The following LAMA3 variants were observed in gnomAD, a reference collection of about 807,000 sequenced individuals.
LAMA3 encodes the protein laminin subunit alpha 3.
In LAMA3, 281 loss-of-function variants were observed where a neutral mutation model predicts 402.0. The observed-to-expected ratio is 0.70, with a 90% CI of 0.63 to 0.77. The LOEUF (loss-of-function observed/expected upper bound fraction) is 0.77. Ranked by LOEUF, LAMA3 falls within the 30% of genes least tolerant of loss-of-function variation. The pLI is 0.00. For missense variants in LAMA3, 3,840 were observed against 4,215.5 expected, an observed-to-expected ratio of 0.91 and a Z score of 2.47; for synonymous variants, 1,431 against 1,558.4, an observed-to-expected ratio of 0.92 and a Z score of 1.93.
chr18:23,692,106 C>A (rs1014525077), intron 1 of LAMA3, among the ~76,000 whole-genome samples: 1 of 152,236 alleles, frequency 6.6e-6, no homozygotes, highest in African/African-American at 2.4e-5. Flanking sequence ...AGTGACTGTA[C>A]ACGTCTTTTG....
At position 23,689,639 on chromosome 18, in the gene LAMA3, A is replaced by C; in HGVS notation, c.-45A>C. On this transcript the variant is annotated 5_prime_UTR_variant, in exon 1 of 75. Coordinates refer to ENST00000313654, the MANE Select transcript of LAMA3 (RefSeq NM_198129.4). ...CAGGCGGAGAGCGGCGGTGCCCCCG[A>C]GCCCCTCTGCGGACGGCTCAGGCGG... The C allele has an allele frequency of 8.0e-7, 1 of 1,250,946 alleles. No individual in the cohort carries two copies. Among genetic ancestry groups the C allele is most frequent in the Non-Finnish European group, 1.0e-6 (1 of 1,000,246 alleles). 77.5% of individuals were successfully genotyped at this position (1,250,946 alleles called of 1,614,324 possible).
intron 12 of LAMA3, among the ~76,000 whole-genome samples, chr18:23,790,198 G>A (rs2062623480): frequency 6.6e-6 from 1 of 152,136 alleles, no homozygotes; most frequent in Non-Finnish European, 1.5e-5. Context: ...ACATCAAGAA[G>A]CATGAGGGCT....
chr18:23,789,352 C>T (rs551597516), intron 12 of LAMA3, among the ~76,000 whole-genome samples: 20 of 152,116 alleles, frequency 1.3e-4, no homozygotes, highest in Admixed American at 3.3e-4. Flanking sequence ...AACACATCCA[C>T]GCAGTAACTT....
rs1397424431 is a variant in LAMA3, at chr18:23,890,026, T to C, written c.5319T>C (p.Tyr1773=). 1 of 1,613,716 alleles carries C rather than the reference T, an allele frequency of 6.2e-7. No homozygotes were observed. Among genetic ancestry groups the C allele is most frequent in the Non-Finnish European group, 8.5e-7 (1 of 1,179,710 alleles). Residue 1773 remains tyrosine, a synonymous_variant, in exon 42 of 75, where the codon TAT becomes TAC. Coordinates refer to ENST00000313654, the MANE Select transcript of LAMA3 (RefSeq NM_198129.4). Reference sequence around the variant, plus strand: ...TTTTGTGTAGGTGTGCACCGGGATATTTCGGGAATCCCCAGAAATTCGGAG... The same window carrying C: ...TTTTGTGTAGGTGTGCACCGGGATACTTCGGGAATCCCCAGAAATTCGGAG... ...GTQCERCAPG[Y]FGNPQKFGGS...
At chr18:23,725,196 G>A (rs950375088) in intron 2 of LAMA3, among the ~76,000 whole-genome samples, 3 of 150,990 alleles carry the variant, frequency 2.0e-5, no homozygotes, top group African/African-American at 7.3e-5. Context: ...TGCAGCCTCC[G>A]CCTCCCAGGT....
intron 29 of LAMA3, among the ~76,000 whole-genome samples, chr18:23,844,261 T>C (rs1249665749): frequency 6.6e-6 from 1 of 152,270 alleles, no homozygotes; most frequent in Non-Finnish European, 1.5e-5. Flanking sequence ...TTCTGATTTA[T>C]ACTGGCACAG....
At chr18:23,698,497 GC>G (rs2060728943) in intron 1 of LAMA3, among the ~76,000 whole-genome samples, 1 of 152,128 alleles carries the variant, frequency 6.6e-6, no homozygotes, top group African/African-American at 2.4e-5. Flanking sequence ...GAGCCACCGC[GC>G]CCCACCTCTC....
At chr18:23,928,014 C>A in intron 62 of LAMA3, 109 bp from the exon 63 acceptor site, 1 of 810,650 alleles carries the variant, frequency 1.2e-6, no homozygotes, top group Non-Finnish European at 2.2e-6. Flanking sequence ...AAACATAAAA[C>A]ACCTACTCAT....
intron 55 of LAMA3, among the ~76,000 whole-genome samples, chr18:23,909,735 T>C (rs894128933): frequency 6.6e-6 from 1 of 152,218 alleles, no homozygotes; most frequent in Non-Finnish European, 1.5e-5. Context: ...ATCATTGGAG[T>C]ACTGATTCAC....
chr18:23,912,918 CA>C, intron 56 of LAMA3, 37 bp downstream of exon 56: 1 of 1,586,350 alleles, frequency 6.3e-7, no homozygotes, highest in African/African-American at 1.3e-5. Context: ...GTTTTTGAAA[CA>C]ATGTTTTTCG....
chr18:23,719,313 G>A (rs1003150475), intron 2 of LAMA3, among the ~76,000 whole-genome samples: 1 of 152,202 alleles, frequency 6.6e-6, no homozygotes, highest in African/African-American at 2.4e-5. Flanking sequence ...GGGCAACTCA[G>A]TGAGACCCCA....
intron 50 of LAMA3, among the ~76,000 whole-genome samples, 189 bp from the exon 51 acceptor site, chr18:23,904,364 G>A (rs984672556): frequency 7.2e-5 from 11 of 151,920 alleles, no homozygotes; most frequent in African/African-American, 2.2e-4. Flanking sequence ...CAAGTTGATG[G>A]CACCACTGCA....
chr18:23,720,848 GTTTTC>G (rs1438684020), intron 2 of LAMA3, among the ~76,000 whole-genome samples: 1 of 152,072 alleles, frequency 6.6e-6, no homozygotes, highest in Non-Finnish European at 1.5e-5. Flanking sequence ...GAAATCAGGT[GTTTTC>G]TTTTAATACA....
rs565421700 is a variant in LAMA3 at position 23,890,208 on chromosome 18, A to G, written c.5410+91A>G. 6.0e-6 allele frequency: 5 copies of G among 829,644 alleles called. No homozygotes were observed. The African/African-American group carries it at 8.4e-5, about 14-fold the overall frequency. The allele number at this position is 829,644 out of a possible 1,614,324, so 51.4% of individuals were successfully genotyped here. On this transcript the variant is annotated intron_variant, in intron 42 of 74. Coordinates refer to ENST00000313654, the MANE Select transcript of LAMA3 (RefSeq NM_198129.4). The stretch of plus-strand genomic sequence containing the variant: ...ACCCAAGCACACATCTTCAGGATGC[A>G]TAATACACAATTCCAGCCAGCAAGC...
chr18:23,854,219 G>T (rs1166411822), intron 32 of LAMA3, among the ~76,000 whole-genome samples: 3 of 152,260 alleles, frequency 2.0e-5, no homozygotes, highest in Non-Finnish European at 2.9e-5. Context: ...GGATCATCTC[G>T]CATACATTCT....
chr18:23,841,987 A>G (rs1038617139), intron 27 of LAMA3, among the ~76,000 whole-genome samples: 1 of 152,182 alleles, frequency 6.6e-6, no homozygotes, highest in Non-Finnish European at 1.5e-5. Context: ...TTATGAACAT[A>G]TAAGTATGGC....
rs1396141272 is a variant in LAMA3, at chr18:23,919,786, G to T, written c.7924-1149G>T. On this transcript the variant is annotated intron_variant, in intron 60 of 74. Coordinates refer to ENST00000313654, the MANE Select transcript of LAMA3 (RefSeq NM_198129.4). ...AGATGCCACGCAGCATCTGGTAGGG[G>T]TCAGGGCTTCATCCTGACAGCCGAG... is the stretch of plus-strand genomic sequence containing the variant. 2.0e-5 allele frequency among the ~76,000 whole-genome samples: 3 copies of T among 151,874 alleles called. No homozygotes were observed. In the East Asian group the frequency reaches 5.9e-4, roughly 30 times the overall value.
rs753807740 is a variant in LAMA3 at position 23,905,636 on chromosome 18, A to C, written c.6718+12A>C. The stretch of plus-strand genomic sequence containing the variant: ...GAAGCTAAAGCAAGGTATTAGGGGG[A>C]GTGGGCAATGGCAGGGATAGTCAGG... On this transcript the variant is annotated intron_variant, in intron 52 of 74. Transcript: ENST00000313654. The C allele has an allele frequency of 5.5e-6, 8 of 1,464,472 alleles. No homozygotes were observed. In the Admixed American group the frequency reaches 1.0e-4, roughly 18 times the overall value. The allele number at this position is 1,464,472 out of a possible 1,614,324, so 90.7% of individuals were successfully genotyped here.
At chr18:23,742,138 A>C (rs1462664881) in intron 2 of LAMA3, among the ~76,000 whole-genome samples, 2 of 152,152 alleles carry the variant, frequency 1.3e-5, no homozygotes, top group Admixed American at 6.5e-5. Flanking sequence ...AACAAACAAG[A>C]ATGCTCCATC....
Sources: allele counts gnomAD v4.1 joint callset (sites outside exome capture counted in the v4.1 genomes callset), GRCh38; gene constraint gnomAD v4.1.1; transcripts MANE v1.5; gene names NCBI Gene and HGNC (gene_info 2026-07-23, HGNC 2026-07-21).